Variants in TEX15 observed in about 807,000 individuals in gnomAD.
TEX15 encodes testis expressed 15, meiosis and synapsis associated.
In TEX15, 171 loss-of-function variants were observed where a neutral mutation model predicts 237.3. The observed-to-expected ratio is 0.72, with a 90% CI of 0.64 to 0.82. The LOEUF (loss-of-function observed/expected upper bound fraction) is 0.82, where lower values mean the gene tolerates loss of function less well. Among genes scored for constraint, TEX15 ranks in the 40% least tolerant of loss-of-function variants. TEX15 has a pLI of 0.00. For synonymous variants in TEX15, 1,338 were observed against 1,269.8 expected, an observed-to-expected ratio of 1.05 and a Z score of -1.14; for missense variants, 3,750 against 3,646.5, an observed-to-expected ratio of 1.03 and a Z score of -0.73.
intron 10 of TEX15, among the ~76,000 whole-genome samples, chr8:30,834,289 C>T (rs1410016897): frequency 6.6e-6 from 1 of 152,226 alleles, no homozygotes; most frequent in African/African-American, 2.4e-5. Flanking sequence ...TCTGCTGCCT[C>T]AGCCTCCCAT....
Position 30,845,712 on chromosome 8 carries a change from T to A in TEX15, c.4455A>T (p.Lys1485Asn). The A allele has an allele frequency of 6.2e-7, 1 of 1,613,634 alleles. No homozygotes were observed. The highest frequency in any genetic ancestry group is 1.3e-5 in the African/African-American group (1 of 75,024). The change falls in exon 8 of 11, where the codon AAA becomes AAT. Residue 1485 changes from lysine to asparagine, a missense_variant. Lys to Asn is a moderately conservative substitution (Grantham distance 94). Coordinates refer to ENST00000643185, the MANE Select transcript of TEX15 (RefSeq NM_001350162.2). ...TAGCCATACTTTTCCTAGAAAGGCATTTTTTCTCTCCACTTGTTTTATAAG... is the reference window on the plus strand; with the variant it reads ...TAGCCATACTTTTCCTAGAAAGGCAATTTTTCTCTCCACTTGTTTTATAAG... ...HKSYKTSGEK[K>N]CLSRKSMASS...
chr8:30,844,731 T>C lies in TEX15; in HGVS notation c.5436A>G (p.Leu1812=), dbSNP rs776496411. 1 of 1,613,276 alleles carries C rather than the reference T, an allele frequency of 6.2e-7. No homozygotes were observed. The highest frequency in any genetic ancestry group is 2.2e-5 in the East Asian group (1 of 44,866). Residue 1812 remains leucine, a synonymous_variant, in exon 8 of 11, where the codon TTA becomes TTG. Transcript: ENST00000643185. ...DKSYGENIVE[L]SSSDSSLLLK... is the part of the protein sequence containing the mutation. ...AAAGCAGAGAACTATCACTGGAAGA[T>C]AATTCCACTATATTTTCCCCATAAC...
chr8:30,891,500 G>C (rs115881158), intron 2 of TEX15, among the ~76,000 whole-genome samples: 165 of 148,790 alleles, frequency 1.1e-3, no homozygotes, highest in African/African-American at 3.4e-3. Flanking sequence ...TTTTTTTTTC[G>C]ACAATGTCTT....
intron 7 of TEX15, among the ~76,000 whole-genome samples, chr8:30,858,014 C>A (rs1178277222): frequency 6.6e-6 from 1 of 151,962 alleles, no homozygotes; most frequent in African/African-American, 2.4e-5. Flanking sequence ...AAAATTCTTG[C>A]ACATATGCCA....
At chr8:30,905,968 C>T (rs535344534) in intron 1 of TEX15, among the ~76,000 whole-genome samples, 1 of 152,020 alleles carries the variant, frequency 6.6e-6, no homozygotes, top group African/African-American at 2.4e-5. Context: ...CTGACTGCAA[C>T]GCTAGACCCA....
chr8:30,906,928 C>T (rs1487214368), intron 1 of TEX15, among the ~76,000 whole-genome samples: 1 of 152,052 alleles, frequency 6.6e-6, no homozygotes, highest in Non-Finnish European at 1.5e-5. Context: ...ATTTGAGGAA[C>T]TTAAAACAAT....
intron 1 of TEX15, among the ~76,000 whole-genome samples, chr8:30,903,821 A>C (rs1173058659): frequency 6.6e-6 from 1 of 152,228 alleles, no homozygotes; most frequent in Non-Finnish European, 1.5e-5. Flanking sequence ...AGAGATAATT[A>C]CCTTGCCAAG....
At chr8:30,884,933 T>C (rs1808612930) in intron 3 of TEX15, among the ~76,000 whole-genome samples, 1 of 152,198 alleles carries the variant, frequency 6.6e-6, no homozygotes, top group Admixed American at 6.5e-5. Flanking sequence ...TGATTTTAGA[T>C]ATTTCTTGTT....
At position 30,837,039 on chromosome 8, in the gene TEX15, C is replaced by T. The variant is rs748920565; in HGVS notation, c.9245G>A (p.Ser3082Asn). 4 of 1,614,018 alleles carry T rather than the reference C, an allele frequency of 2.5e-6. No homozygotes were observed. The highest frequency in any genetic ancestry group is 3.4e-6 in the Non-Finnish European group (4 of 1,180,024). Residue 3082 changes from serine to asparagine, a missense_variant, in exon 10 of 11, where the codon AGT (serine) becomes AAT (asparagine). By Grantham distance (46) the Ser-to-Asn change is conservative. Transcript: ENST00000643185. ...ATTAGAATGTGTGCCCTGGGCAGTA[C>T]TTGCAACTGTGGTCAACAGCCCAGA... ...SPSGLLTTVASTAQGTHSNLL... is the reference protein window; with the variant it reads ...SPSGLLTTVANTAQGTHSNLL...
intron 1 of TEX15, among the ~76,000 whole-genome samples, chr8:30,908,657 A>C (rs900012560): frequency 6.6e-6 from 1 of 152,142 alleles, no homozygotes; most frequent in African/African-American, 2.4e-5. Flanking sequence ...GCAGTTAAAA[A>C]CCTATGTTTG....
intron 1 of TEX15, among the ~76,000 whole-genome samples, chr8:30,912,251 A>G (rs1809237153): frequency 6.6e-6 from 1 of 151,484 alleles, no homozygotes; most frequent in African/African-American, 2.4e-5. Flanking sequence ...ACTGCCAGTC[A>G]CCCGGGCGGC....
At chr8:30,889,294 TACAA>T (rs1389789156) in intron 2 of TEX15, among the ~76,000 whole-genome samples, 1 of 151,996 alleles carries the variant, frequency 6.6e-6, no homozygotes, top group Non-Finnish European at 1.5e-5. Flanking sequence ...CTACTAAAAA[TACAA>T]ACAATTAGCC....
Position 30,874,920 on chromosome 8 carries a change from AG to A in TEX15, c.302+16del. ...ACACAACAAAATCTCAAACACGTTT[AG>A]ATCATAGTAACTTACCTCTTAGCAG... is the stretch of plus-strand genomic sequence containing the variant. On this transcript the variant is annotated intron_variant, in intron 4 of 10. Transcript: ENST00000643185. 1 of 1,288,822 alleles carries A rather than the reference AG, an allele frequency of 7.8e-7. No individual in the cohort carries two copies. Among genetic ancestry groups the A allele is most frequent in the Non-Finnish European group, 9.9e-7 (1 of 1,013,892 alleles). 79.8% of individuals were successfully genotyped at this position (1,288,822 alleles called of 1,614,324 possible). A position where few individuals can be genotyped will look rare whatever the true frequency, so the allele number is the denominator to read the frequency against.
chr8:30,887,482 TAC>T (rs1434116101), intron 2 of TEX15, among the ~76,000 whole-genome samples, 171 bp from the exon 3 acceptor site: 1 of 152,164 alleles, frequency 6.6e-6, no homozygotes, highest in Non-Finnish European at 1.5e-5. Context: ...AAAATGAGTT[TAC>T]AACTTTGGTT....
chr8:30,845,353 CT>C lies in TEX15; in HGVS notation c.4813del (p.Ser1605ValfsTer7). 1 of 1,611,960 alleles carries C rather than the reference CT, an allele frequency of 6.2e-7. No individual in the cohort carries two copies. The highest frequency in any genetic ancestry group is 8.5e-7 in the Non-Finnish European group (1 of 1,178,678). The stretch of plus-strand genomic sequence containing the variant: ...ATTTATTACTTCATTAGCGTCACAA[CT>C]GTTTTCTTTAGTTGCATCTTTAACA... ...HNVKDATKEN[S>X]CDANEVINES... is the part of the protein sequence containing the mutation. On this transcript the variant is annotated frameshift_variant, in exon 8 of 11. Coordinates refer to ENST00000643185, the MANE Select transcript of TEX15 (RefSeq NM_001350162.2). LOFTEE classifies it high-confidence loss of function.
In TEX15 at chr8:30,842,309, C is replaced by T. The variant is rs1206617814; in HGVS notation, c.7858G>A (p.Glu2620Lys). 5.0e-6 allele frequency: 8 copies of T among 1,613,730 alleles called. No homozygotes were observed. The highest frequency in any genetic ancestry group is 6.8e-6 in the Non-Finnish European group (8 of 1,179,860). Residue 2620 changes from glutamate to lysine, a missense_variant, in exon 8 of 11, where the codon GAA becomes AAA. Transcript: ENST00000643185. Reference protein sequence around the residue: ...AHIRKVMKTIEHMKMICTKNA... With the variant: ...AHIRKVMKTIKHMKMICTKNA... The stretch of plus-strand genomic sequence containing the variant: ...TTAGTACATATCATCTTCATATGTT[C>T]AATCGTTTTCATGACTTTCCTAATG...
At chr8:30,860,293 T>A (rs1352828659) in intron 5 of TEX15, among the ~76,000 whole-genome samples, 1 of 151,652 alleles carries the variant, frequency 6.6e-6, no homozygotes, top group Non-Finnish European at 1.5e-5. Context: ...AGCTAATTTT[T>A]GTAGGAACCA....
Position 30,846,551 on chromosome 8 carries a change from A to C in TEX15, c.3616T>G (p.Tyr1206Asp). The C allele has an allele frequency of 6.2e-7, 1 of 1,613,772 alleles. No homozygotes were observed. Among genetic ancestry groups the C allele is most frequent in the Non-Finnish European group, 8.5e-7 (1 of 1,179,740 alleles). The change falls in exon 8 of 11, where the codon TAT (tyrosine) becomes GAT (aspartate). Residue 1206 changes from tyrosine (Y) to aspartate (D), a missense_variant. Transcript: ENST00000643185. Reference sequence around the variant, plus strand: ...GCATTTTCACCAAAAGGCTGGGAATAAATGTCAAATCCTAGAATTTCTCCA... The same window carrying C: ...GCATTTTCACCAAAAGGCTGGGAATCAATGTCAAATCCTAGAATTTCTCCA... ...EDGEILGFDI[Y>D]SQPFGENADY...
rs768186627 is a variant in TEX15 at position 30,844,723 on chromosome 8, C to A, written c.5444G>T (p.Ser1815Ile). The A allele has an allele frequency of 1.4e-5, 22 of 1,613,032 alleles. No individual in the cohort carries two copies. Among genetic ancestry groups the A allele is most frequent in the Non-Finnish European group, 1.9e-5 (22 of 1,179,566 alleles). Residue 1815 changes from serine (S) to isoleucine (I), a missense_variant, in exon 8 of 11, where the codon AGT becomes ATT. Coordinates refer to ENST00000643185, the MANE Select transcript of TEX15 (RefSeq NM_001350162.2). ...ATCTTTTAAAAGCAGAGAACTATCA[C>A]TGGAAGATAATTCCACTATATTTTC... is the stretch of plus-strand genomic sequence containing the variant. Reference protein sequence around the residue: ...YGENIVELSSSDSSLLLKDNV... With the variant: ...YGENIVELSSIDSSLLLKDNV...
Sources: allele counts gnomAD v4.1 joint callset (sites outside exome capture counted in the v4.1 genomes callset), GRCh38; gene constraint gnomAD v4.1.1; transcripts MANE v1.5; gene names NCBI Gene and HGNC (gene_info 2026-07-23, HGNC 2026-07-21).